Variants in PDE3A observed in about 807,000 individuals in gnomAD.
PDE3A encodes the protein cGMP-inhibited 3',5'-cyclic phosphodiesterase 3A.
Under a neutral mutation model 98.3 loss-of-function variants are expected in PDE3A, and 43 were observed. That is an observed-to-expected ratio of 0.44 (90% CI 0.34 to 0.56). The LOEUF (loss-of-function observed/expected upper bound fraction) is 0.56. Among genes scored for constraint, PDE3A ranks in the 20% least tolerant of loss-of-function variants. PDE3A has a pLI of 0.01. For synonymous variants in PDE3A, 663 were observed against 567.9 expected (o/e 1.17, Z -2.38); for missense variants, 1,427 against 1,440.7 (o/e 0.99, Z 0.15).
intron 2 of PDE3A, among the ~76,000 whole-genome samples, chr12:20,561,837 C>T (rs574080238): frequency 6.6e-6 from 1 of 152,274 alleles, no homozygotes; most frequent in East Asian, 1.9e-4. Flanking sequence ...TAGCAAATTC[C>T]AACCCTTAAT....
At chr12:20,572,415 C>A (rs1942820904) in intron 2 of PDE3A, among the ~76,000 whole-genome samples, 1 of 152,034 alleles carries the variant, frequency 6.6e-6, no homozygotes, top group Non-Finnish European at 1.5e-5. Context: ...ACAAAACTAT[C>A]TTAGAATGTT....
chr12:20,387,519 C>A (rs1026291441), intron 1 of PDE3A, among the ~76,000 whole-genome samples: 3 of 151,970 alleles, frequency 2.0e-5, no homozygotes, highest in Non-Finnish European at 4.4e-5. Flanking sequence ...TCAAGGCTTT[C>A]TCTATTAGTC....
chr12:20,444,523 C>A (rs566222266), intron 1 of PDE3A, among the ~76,000 whole-genome samples: 3 of 152,334 alleles, frequency 2.0e-5, no homozygotes, highest in African/African-American at 7.2e-5. Flanking sequence ...TCTAAATTCA[C>A]TGACTTTCTG....
chr12:20,393,434 C>T (rs1048195189), intron 1 of PDE3A, among the ~76,000 whole-genome samples: 5 of 152,006 alleles, frequency 3.3e-5, no homozygotes, highest in Non-Finnish European at 7.4e-5. Context: ...CCAGTTCCCT[C>T]CCAGAACTAT....
At chr12:20,557,112 T>A (rs971212969) in intron 2 of PDE3A, 3 of 177,926 alleles carry the variant, frequency 1.7e-5, no homozygotes, top group African/African-American at 7.2e-5. Context: ...CTGAACTAAT[T>A]ACAAGATTTT....
chr12:20,606,295 A>G (rs1943707659), intron 2 of PDE3A, among the ~76,000 whole-genome samples: 1 of 152,104 alleles, frequency 6.6e-6, no homozygotes, highest in African/African-American at 2.4e-5. Flanking sequence ...CCAGTTCTCA[A>G]TATTTTGGCA....
At chr12:20,486,041 C>A (rs889565260) in intron 1 of PDE3A, among the ~76,000 whole-genome samples, 1 of 152,146 alleles carries the variant, frequency 6.6e-6, no homozygotes. Context: ...TCTTTTAGAG[C>A]ACATTTATAA....
intron 1 of PDE3A, among the ~76,000 whole-genome samples, chr12:20,422,299 G>C (rs554852142): frequency 6.6e-6 from 1 of 151,610 alleles, no homozygotes; most frequent in African/African-American, 2.4e-5. Context: ...AGCCAAGATC[G>C]CACCACTGCA....
intron 5 of PDE3A, 141 bp downstream of exon 5, chr12:20,621,552 T>C (rs1274167444): frequency 6.5e-5 from 37 of 571,996 alleles, no homozygotes; most frequent in Middle Eastern, 2.6e-4. Context: ...AATTAGTTAT[T>C]TTTTAGAAGT....
chr12:20,410,410 A>C (rs1944312447), intron 1 of PDE3A, among the ~76,000 whole-genome samples: 2 of 152,196 alleles, frequency 1.3e-5, no homozygotes, highest in South Asian at 4.1e-4. Context: ...AGAGAAAATG[A>C]AACATAATTT....
chr12:20,624,430 T>C lies in PDE3A; in HGVS notation c.1540+3019T>C, dbSNP rs530110279. 4.6e-5 allele frequency among the ~76,000 whole-genome samples: 7 copies of C among 152,230 alleles called. No homozygotes were observed. In the South Asian group the frequency reaches 1.5e-3, roughly 32 times the overall value. ...TTCCTGTGTCCTGATCCCCAGTTTG[T>C]ATGACTTCACTCTAGAAGAAAGAGC... On this transcript the variant is annotated intron_variant, in intron 5 of 15. Transcript: ENST00000359062.
In PDE3A at chr12:20,680,116, G is replaced by C; in HGVS notation, c.3271G>C (p.Glu1091Gln). Reference protein sequence around the residue: ...QNHKMWKKVIEEEQRLAGIEN... With the variant: ...QNHKMWKKVIQEEQRLAGIEN... The stretch of plus-strand genomic sequence containing the variant: ...CCACAAGATGTGGAAGAAAGTCATT[G>C]AAGAGGAGCAACGGTTGGCAGGCAT... Residue 1091 changes from glutamate (E) to glutamine (Q), a missense_variant, in exon 16 of 16, where the codon GAA becomes CAA. By Grantham distance (29) the Glu-to-Gln change is conservative. Around this residue, in one of 3 missense-constraint regions of PDE3A, gnomAD observed 142 missense variants for 133.9 expected, o/e 1.06. Transcript: ENST00000359062. 6.2e-7 allele frequency: 1 copy of C among 1,613,604 alleles called. No individual in the cohort carries two copies. The highest frequency in any genetic ancestry group is 8.5e-7 in the Non-Finnish European group (1 of 1,179,630).
chr12:20,548,827 C>T (rs1270078980), intron 1 of PDE3A, among the ~76,000 whole-genome samples: 1 of 152,134 alleles, frequency 6.6e-6, no homozygotes, highest in Non-Finnish European at 1.5e-5. Flanking sequence ...TGCAACTTAA[C>T]ACTAATCTTA....
In PDE3A at chr12:20,550,767, G is replaced by A. The variant is rs58027833; in HGVS notation, c.961-5893G>A. Among the ~76,000 whole-genome samples the A allele has an allele frequency of 1.3e-3, 197 of 151,908 alleles. 1 individual carries two copies. The East Asian group carries it at 0.028, about 21-fold the overall frequency. On this transcript the variant is annotated intron_variant, in intron 1 of 15. Transcript: ENST00000359062. The stretch of plus-strand genomic sequence containing the variant: ...AAAATTCATTAAATTACTTTGTTAT[G>A]TTTTTTACCTATTATACTGTGAACA...
chr12:20,672,376 G>T (rs1218022381), intron 15 of PDE3A, among the ~76,000 whole-genome samples: 4 of 87,776 alleles, frequency 4.6e-5, no homozygotes, highest in Non-Finnish European at 9.5e-5. Flanking sequence ...CCAAAAAAGA[G>T]CCCGCATCGC....
chr12:20,640,562 T>C, intron 10 of PDE3A, among the ~76,000 whole-genome samples: 1 of 152,082 alleles, frequency 6.6e-6, no homozygotes, highest in East Asian at 1.9e-4. Context: ...AAAAATCAGG[T>C]AAATGGAAAG....
chr12:20,390,790 A>G lies in PDE3A; in HGVS notation c.960+20546A>G, dbSNP rs75429028. On this transcript the variant is annotated intron_variant, in intron 1 of 15. Coordinates refer to ENST00000359062, the MANE Select transcript of PDE3A (RefSeq NM_000921.5). ...CACGTTAGTTCACCGTATTTTCCTG[A>G]TTAGTATGTACATGCTTTTTAGAAC... 4.6e-3 allele frequency among the ~76,000 whole-genome samples: 705 copies of G among 152,052 alleles called. 27 individuals carry two copies. In the East Asian group the frequency reaches 0.098, roughly 21 times the overall value.
chr12:20,368,817 C>T lies in PDE3A; in HGVS notation c.-468C>T, dbSNP rs573090935. On this transcript the variant is annotated 5_prime_UTR_variant, in exon 1 of 16. Transcript: ENST00000359062. ...CCCGGCGCGCTGCAGCGCAGCGCAG[C>T]GCCGAGCTGCGCCTCGGAATGGCCC... 6.6e-6 allele frequency among the ~76,000 whole-genome samples: 1 copy of T among 151,942 alleles called. No individual in the cohort carries two copies. The highest frequency in any genetic ancestry group is 6.5e-5 in the Admixed American group (1 of 15,288).
intron 2 of PDE3A, among the ~76,000 whole-genome samples, chr12:20,594,402 G>A (rs1426393525): frequency 6.6e-6 from 1 of 152,070 alleles, no homozygotes; most frequent in African/African-American, 2.4e-5. Flanking sequence ...GAATTAAGAA[G>A]TCCTTTCTAT....
Sources: gnomAD v4.1 joint callset for allele counts (sites outside exome capture counted in the v4.1 genomes callset) on GRCh38, gnomAD v4.1.1 for gene constraint, gnomAD v4.1.1 regional missense constraint, MANE v1.5 for transcripts, NCBI Gene and HGNC (gene_info 2026-07-23, HGNC 2026-07-21) for gene names.